Variants in LUZP4 observed in about 807,000 individuals in gnomAD.
LUZP4 encodes the protein leucine zipper protein 4, also known as HOM-TES-85 tumor antigen.
Under a neutral mutation model 8.5 loss-of-function variants are expected in LUZP4, and 11 were observed. The observed-to-expected ratio is 1.30, with a 90% CI of 0.82 to 2.14. LUZP4 has a LOEUF of 2.14. Ranked by LOEUF, LUZP4 falls within the 30% of genes most tolerant of loss-of-function variation. LUZP4 has a pLI of 0.00. For synonymous variants in LUZP4, 104 were observed against 79.4 expected, an observed-to-expected ratio of 1.31 and a Z score of -1.65; for missense variants, 276 against 229.7, an observed-to-expected ratio of 1.20 and a Z score of -1.30.
At chrX:115,302,727 C>T (rs913311499) in intron 2 of LUZP4, among the ~76,000 whole-genome samples, 4 of 112,715 alleles carry the variant, frequency 3.5e-5, no homozygotes, top group African/African-American at 1.3e-4. Flanking sequence ...TATGCAGCTT[C>T]ATTTAAGTTC....
At chrX:115,290,016 T>A (rs1193530089) in intron 1 of LUZP4, among the ~76,000 whole-genome samples, 166 bp downstream of exon 1, 1 of 110,148 alleles carries the variant, frequency 9.1e-6, no homozygotes, top group Non-Finnish European at 1.9e-5. Flanking sequence ...TGACGAACCC[T>A]GGGACCACTT....
chrX:115,297,023 C>T (rs1310131201), intron 1 of LUZP4, among the ~76,000 whole-genome samples: 4 of 110,875 alleles, frequency 3.6e-5, no homozygotes, highest in African/African-American at 9.8e-5. Flanking sequence ...TACAGGCATG[C>T]GTGCAATTGC....
chrX:115,298,877 G>C (rs1341816477), intron 1 of LUZP4, among the ~76,000 whole-genome samples: 1 of 111,244 alleles, frequency 9.0e-6, no homozygotes, highest in Admixed American at 9.6e-5. Flanking sequence ...TCAGTGTCTG[G>C]GCATTGAAGG....
chrX:115,306,921 T>C lies in LUZP4; in HGVS notation c.*117T>C. 1.5e-6 allele frequency: 1 copy of C among 672,584 alleles called. No homozygotes were observed. Among genetic ancestry groups the C allele is most frequent in the Non-Finnish European group, 2.3e-6 (1 of 439,310 alleles). 55.4% of individuals were successfully genotyped at this position (672,584 alleles called of 1,213,427 possible). A position where few individuals can be genotyped will look rare whatever the true frequency, so the allele number is the denominator to read the frequency against. ...TGGGACAAAGACATAAATATTAGAATGGAGGTAATACATACATAGTATCAA... is the reference window on the plus strand; with the variant it reads ...TGGGACAAAGACATAAATATTAGAACGGAGGTAATACATACATAGTATCAA... On this transcript the variant is annotated 3_prime_UTR_variant, in exon 4 of 4. Coordinates refer to ENST00000371920, the MANE Select transcript of LUZP4 (RefSeq NM_016383.5).
intron 1 of LUZP4, among the ~76,000 whole-genome samples, chrX:115,291,041 C>T (rs2073346796): frequency 9.0e-6 from 1 of 110,996 alleles, no homozygotes; most frequent in African/African-American, 3.3e-5. Context: ...TCAAGTGATC[C>T]GCCCTTCTCG....
chrX:115,300,165 G>T (rs1332904621), intron 1 of LUZP4, among the ~76,000 whole-genome samples: 1 of 111,306 alleles, frequency 9.0e-6, no homozygotes, highest in Non-Finnish European at 1.9e-5. Context: ...GGGGAGGGGC[G>T]ATGCCACCAC....
chrX:115,298,860 A>G (rs1279767708), intron 1 of LUZP4, among the ~76,000 whole-genome samples: 2 of 111,166 alleles, frequency 1.8e-5, no homozygotes, highest in Non-Finnish European at 3.8e-5. Context: ...ATACTAGTAG[A>G]TGTTCTTCAG....
chrX:115,292,926 G>A (rs781937105), intron 1 of LUZP4, among the ~76,000 whole-genome samples: 64 of 110,605 alleles, frequency 5.8e-4, no homozygotes, highest in African/African-American at 2.0e-3. Context: ...CTAAGACATG[G>A]TCCCTGTTGA....
intron 3 of LUZP4, among the ~76,000 whole-genome samples, chrX:115,305,182 T>C (rs976690961): frequency 4.5e-5 from 5 of 112,073 alleles, no homozygotes; most frequent in African/African-American, 1.6e-4. Flanking sequence ...CTCAGTCCTA[T>C]CTTTCCTACT....
At position 115,291,923 on chromosome X, in the gene LUZP4, G is replaced by GA. The variant is rs781944738; in HGVS notation, c.91+2085dup. Among the ~76,000 whole-genome samples the GA allele has an allele frequency of 1.7e-3, 168 of 101,373 alleles. 1 individual carries two copies. The highest frequency in any genetic ancestry group is 5.8e-3 in the South Asian group (13 of 2,252). The allele number at this position is 101,373 out of a possible 115,157, so 88.0% of individuals were successfully genotyped here. Reference sequence around the variant, plus strand: ...GGTGCCAGAGTGAGACTTCATCTCAGAAAAAAAAAAAAGTAATGAAATGAA... The same window carrying GA: ...GGTGCCAGAGTGAGACTTCATCTCAGAAAAAAAAAAAAAGTAATGAAATGAA... On this transcript the variant is annotated intron_variant, in intron 1 of 3. Coordinates refer to ENST00000371920, the MANE Select transcript of LUZP4 (RefSeq NM_016383.5).
Position 115,302,077 on chromosome X carries a change from G to T in LUZP4, c.177G>T (p.Ser59=). The T allele has an allele frequency of 8.4e-7, 1 of 1,197,219 alleles. No individual in the cohort carries two copies. Among genetic ancestry groups the T allele is most frequent in the East Asian group, 3.0e-5 (1 of 32,990 alleles). Residue 59 remains serine (S), a synonymous_variant, in exon 2 of 4, where the codon TCG becomes TCT. Transcript: ENST00000371920. ...GACAGAACCATAGTAAAAAGGAATC[G>T]CCTTCAAGACAGCAATCAAAAGCTC... ...NKRQNHSKKE[S]PSRQQSKAHR...
At chrX:115,296,916 A>AT (rs782130929) in intron 1 of LUZP4, among the ~76,000 whole-genome samples, 34 of 111,437 alleles carry the variant, frequency 3.1e-4, no homozygotes, top group Admixed American at 1.6e-3. Context: ...TCAGAATCAG[A>AT]TTTTTTTCTT....
At chrX:115,293,595 T>G (rs2073357748) in intron 1 of LUZP4, among the ~76,000 whole-genome samples, 1 of 110,925 alleles carries the variant, frequency 9.0e-6, no homozygotes, top group Admixed American at 9.6e-5. Flanking sequence ...CTATCCTTTT[T>G]TTAAAAAAAA....
At chrX:115,298,157 C>T (rs1556599958) in intron 1 of LUZP4, among the ~76,000 whole-genome samples, 1 of 109,238 alleles carries the variant, frequency 9.2e-6, no homozygotes, top group Non-Finnish European at 1.9e-5. Flanking sequence ...ACCTCAGCCT[C>T]CCAGGTTCAA....
intron 1 of LUZP4, among the ~76,000 whole-genome samples, chrX:115,300,129 G>A (rs1255512482): frequency 5.4e-5 from 6 of 111,312 alleles, no homozygotes; most frequent in African/African-American, 2.0e-4. Flanking sequence ...CTCTTTTGGA[G>A]CTGTGAGCTG....
intron 1 of LUZP4, among the ~76,000 whole-genome samples, chrX:115,290,910 G>A (rs1397944305): frequency 4.5e-5 from 5 of 111,511 alleles, no homozygotes; most frequent in Admixed American, 9.5e-5. Context: ...AGTCGACAGA[G>A]TAGCTGGGAC....
intron 1 of LUZP4, among the ~76,000 whole-genome samples, chrX:115,290,772 C>T (rs1275970905): frequency 9.1e-6 from 1 of 109,314 alleles, no homozygotes. Flanking sequence ...CAGAAAAGGG[C>T]TACTTTAGTT....
chrX:115,290,903 C>T (rs1329527776), intron 1 of LUZP4, among the ~76,000 whole-genome samples: 1 of 111,487 alleles, frequency 9.0e-6, no homozygotes, highest in African/African-American at 3.3e-5. Context: ...CCACCTCAGT[C>T]GACAGAGTAG....
chrX:115,304,340 A>G (rs1339597514), intron 3 of LUZP4, among the ~76,000 whole-genome samples: 1 of 111,603 alleles, frequency 9.0e-6, no homozygotes, highest in Non-Finnish European at 1.9e-5. Flanking sequence ...GGGATTCTTG[A>G]GAAACTTTGA....
Sources: gnomAD v4.1 joint callset for allele counts (sites outside exome capture counted in the v4.1 genomes callset) on GRCh38, gnomAD v4.1.1 for gene constraint, MANE v1.5 for transcripts, NCBI Gene and HGNC (gene_info 2026-07-23, HGNC 2026-07-21) for gene names.